Variants in YIPF7 observed in about 807,000 individuals in gnomAD.
The protein encoded by YIPF7 is protein YIPF7.
Under a neutral mutation model 27.2 loss-of-function variants are expected in YIPF7, and 35 were observed. That is an observed-to-expected ratio of 1.29 (90% CI 0.98 to 1.70). YIPF7 has a LOEUF of 1.70. Among genes scored for constraint, YIPF7 ranks in the 40% most tolerant of loss-of-function variants. YIPF7 has a pLI of 0.00. For missense variants in YIPF7, 358 were observed against 303.7 expected (o/e 1.18, Z -1.33); for synonymous variants, 137 against 110.4 (o/e 1.24, Z -1.51).
Position 44,624,630 on chromosome 4 carries a change from C to T in YIPF7, c.579G>A (p.Leu193=). The T allele has an allele frequency of 6.3e-7, 1 of 1,598,056 alleles. No individual in the cohort carries two copies. Among genetic ancestry groups the T allele is most frequent in the Non-Finnish European group, 8.5e-7 (1 of 1,172,928 alleles). The change falls in exon 5 of 6, where the codon CTG becomes CTA. Residue 193 remains leucine (L), a synonymous_variant. Coordinates refer to ENST00000415895, the MANE Select transcript of YIPF7 (RefSeq NM_182592.3). ...LGYCLLPMVI[L]SGCAMFFSLQ... The stretch of plus-strand genomic sequence containing the variant: ...GTGAAAAGAACATGGCGCAACCAGA[C>T]AGGATGACCATGGGGAGCAGGCAGT...
rs575203126 is a variant in YIPF7, at chr4:44,640,915, A to T, written c.117-4830T>A. The stretch of plus-strand genomic sequence containing the variant: ...TTCACACAGTCTGTTAAGGGCTAAG[A>T]TCTAGAATGGTGTCTTACTTTAGCT... On this transcript the variant is annotated intron_variant, in intron 2 of 5. Transcript: ENST00000415895. 1.1e-3 allele frequency among the ~76,000 whole-genome samples: 174 copies of T among 152,024 alleles called. 1 individual carries two copies. The highest frequency in any genetic ancestry group is 1.9e-3 in the South Asian group (9 of 4,808).
chr4:44,642,049 A>T (rs1713344326), intron 2 of YIPF7, among the ~76,000 whole-genome samples: 1 of 152,202 alleles, frequency 6.6e-6, no homozygotes, highest in Admixed American at 6.5e-5. Flanking sequence ...TAAATGGACC[A>T]ATGTCTAAGT....
intron 2 of YIPF7, among the ~76,000 whole-genome samples, chr4:44,649,034 G>C (rs1270805534): frequency 6.6e-6 from 1 of 151,890 alleles, no homozygotes; most frequent in Non-Finnish European, 1.5e-5. Flanking sequence ...ACTTTAAATT[G>C]CATATTTAAT....
chr4:44,622,442 C>T lies in YIPF7; in HGVS notation c.743G>A (p.Gly248Glu). ...GAAAATTGTTAGGAGGGCAAAAAGT[C>T]CATAAAGTATGGCACAAGGGTAGGC... ...LVAYPCAILY[G>E]LFALLTIF The change falls in exon 6 of 6, where the codon GGA becomes GAA. Residue 248 changes from glycine (G) to glutamate (E), a missense_variant. By Grantham distance (98) the Gly-to-Glu change is moderately conservative. Transcript: ENST00000415895. 1 of 1,613,452 alleles carries T rather than the reference C, an allele frequency of 6.2e-7. No individual in the cohort carries two copies. The highest frequency in any genetic ancestry group is 8.5e-7 in the Non-Finnish European group (1 of 1,179,644).
intron 2 of YIPF7, among the ~76,000 whole-genome samples, chr4:44,639,416 C>T (rs915352716): frequency 2.0e-5 from 3 of 152,020 alleles, no homozygotes; most frequent in African/African-American, 7.2e-5. Context: ...ACCTCCTTGG[C>T]TAATAAATGT....
At chr4:44,640,636 C>T (rs1713292512) in intron 2 of YIPF7, among the ~76,000 whole-genome samples, 1 of 152,184 alleles carries the variant, frequency 6.6e-6, no homozygotes, top group Non-Finnish European at 1.5e-5. Context: ...GGTGTCATAG[C>T]CAACCCAACT....
At chr4:44,654,714 C>A (rs1038203505), upstream of YIPF7, among the ~76,000 whole-genome samples, 1 of 151,976 alleles carries the variant, frequency 6.6e-6, no homozygotes, top group African/African-American at 2.4e-5. Context: ...AATGACATCA[C>A]AAAGCACTCA....
intron 2 of YIPF7, among the ~76,000 whole-genome samples, chr4:44,643,507 A>G (rs918758423): frequency 6.6e-6 from 1 of 152,230 alleles, no homozygotes; most frequent in Non-Finnish European, 1.5e-5. Flanking sequence ...CAAGGGAGGA[A>G]TTCAAGCAGG....
chr4:44,624,900 G>T (rs1712577226), intron 4 of YIPF7, 118 bp from the exon 5 acceptor site: 3 of 927,556 alleles, frequency 3.2e-6, no homozygotes, highest in Non-Finnish European at 4.7e-6. Flanking sequence ...TGTCTTTGTA[G>T]GACTGTCATC....
At chr4:44,637,638 G>T (rs928749644) in intron 2 of YIPF7, among the ~76,000 whole-genome samples, 3 of 151,974 alleles carry the variant, frequency 2.0e-5, no homozygotes, top group Non-Finnish European at 4.4e-5. Flanking sequence ...GGTGGTATTT[G>T]GTTACATGAG....
At chr4:44,628,512 T>C (rs1007405315) in intron 4 of YIPF7, among the ~76,000 whole-genome samples, 1 of 152,162 alleles carries the variant, frequency 6.6e-6, no homozygotes, top group Non-Finnish European at 1.5e-5. Context: ...TAATTTCCCA[T>C]ATTATTTCCT....
chr4:44,632,611 TG>T (rs1021389521), intron 3 of YIPF7, among the ~76,000 whole-genome samples: 2 of 152,224 alleles, frequency 1.3e-5, no homozygotes, highest in African/African-American at 4.8e-5. Flanking sequence ...AACACATTTT[TG>T]TGCATAGTAT....
chr4:44,650,503 G>GCACACACA (rs1422425041), intron 1 of YIPF7, among the ~76,000 whole-genome samples: 10 of 71,106 alleles, frequency 1.4e-4, no homozygotes, highest in African/African-American at 4.4e-4. Context: ...ATGCGCGCGC[G>GCACACACA]CGCGCACACA....
intron 3 of YIPF7, among the ~76,000 whole-genome samples, chr4:44,633,627 C>CT (rs1282640286): frequency 4.6e-5 from 7 of 151,788 alleles, no homozygotes; most frequent in African/African-American, 1.7e-4. Flanking sequence ...AGAAATGTTA[C>CT]TAGAAAAGAT....
intron 2 of YIPF7, among the ~76,000 whole-genome samples, chr4:44,648,066 CACTAATCAAACA>C (rs899636397): frequency 8.6e-5 from 13 of 151,992 alleles, no homozygotes; most frequent in Non-Finnish European, 1.9e-4. Context: ...CTAGTTATAG[CACTAATCAAACA>C]ACCTTGAGCT....
At chr4:44,641,604 A>C (rs1406718104) in intron 2 of YIPF7, among the ~76,000 whole-genome samples, 1 of 152,192 alleles carries the variant, frequency 6.6e-6, no homozygotes, top group Non-Finnish European at 1.5e-5. Context: ...ATATTTACAA[A>C]ATGGCCTTTA....
chr4:44,651,916 C>T (rs956487632), upstream of YIPF7, among the ~76,000 whole-genome samples: 2 of 152,154 alleles, frequency 1.3e-5, no homozygotes, highest in Non-Finnish European at 2.9e-5. Flanking sequence ...CTCAATGTCC[C>T]TTCCATTTCA....
Position 44,622,306 on chromosome 4 carries a change from T to C in YIPF7, c.*108A>G. 2 of 1,341,942 alleles carry C rather than the reference T, an allele frequency of 1.5e-6. No individual in the cohort carries two copies. Among genetic ancestry groups the C allele is most frequent in the East Asian group, 2.5e-5 (1 of 39,772 alleles). The allele number at this position is 1,341,942 out of a possible 1,614,324, so 83.1% of individuals were successfully genotyped here. ...TGCTTTGTCTCTCTGCTTATTACTC[T>C]CTCAAAAGCAATAAAACAGAAATCA... On this transcript the variant is annotated 3_prime_UTR_variant, in exon 6 of 6. Transcript: ENST00000415895.
chr4:44,650,833 A>T (rs1236915536), intron 1 of YIPF7, among the ~76,000 whole-genome samples: 4 of 152,136 alleles, frequency 2.6e-5, no homozygotes, highest in African/African-American at 7.2e-5. Context: ...GGCCAGGAAT[A>T]CCAGAGGGAA....
Sources: gnomAD v4.1 joint callset for allele counts (sites outside exome capture counted in the v4.1 genomes callset) on GRCh38, gnomAD v4.1.1 for gene constraint, MANE v1.5 for transcripts, NCBI Gene and HGNC (gene_info 2026-07-23, HGNC 2026-07-21) for gene names.